WWOX: variants seen among roughly 807,000 people sequenced by gnomAD.
The protein encoded by WWOX is WW domain containing oxidoreductase, also known as WW domain-containing oxidoreductase.
WWOX carries 69 observed loss-of-function variants against 46.2 expected under a neutral mutation model. The ratio of observed to expected loss-of-function variants is 1.49; its 90% CI spans 1.23 to 1.82. The LOEUF (loss-of-function observed/expected upper bound fraction) is 1.82, where lower values mean the gene tolerates loss of function less well. WWOX is among the 40% of genes most tolerant of loss of function. WWOX has a pLI of 0.00. For synonymous variants in WWOX, 359 were observed against 202.6 expected, an observed-to-expected ratio of 1.77 and a Z score of -6.56; for missense variants, 919 against 542.6, an observed-to-expected ratio of 1.69 and a Z score of -6.89.
chr16:78,524,511 C>T (rs2043417084), intron 8 of WWOX, among the ~76,000 whole-genome samples: 1 of 151,996 alleles, frequency 6.6e-6, no homozygotes, highest in East Asian at 1.9e-4. Context: ...GCCTCTGCCT[C>T]CCGTGTCCAA....
chr16:78,761,459 C>A (rs1355581438), intron 8 of WWOX, among the ~76,000 whole-genome samples: 1 of 152,122 alleles, frequency 6.6e-6, no homozygotes, highest in Non-Finnish European at 1.5e-5. Flanking sequence ...ACCATTGTCA[C>A]CGGGGAGAAA....
intron 8 of WWOX, among the ~76,000 whole-genome samples, chr16:78,708,566 G>C (rs1242974888): frequency 6.6e-6 from 1 of 152,016 alleles, no homozygotes; most frequent in East Asian, 1.9e-4. Context: ...CTGAAAGTTG[G>C]GTGTACTTGT....
chr16:78,899,962 C>G (rs567117233), intron 8 of WWOX, among the ~76,000 whole-genome samples: 4 of 151,832 alleles, frequency 2.6e-5, no homozygotes, highest in Admixed American at 6.6e-5. Context: ...ACTAATTAAG[C>G]CTTGATAATT....
At chr16:79,125,695 A>G (rs767762329) in intron 8 of WWOX, among the ~76,000 whole-genome samples, 2 of 152,182 alleles carry the variant, frequency 1.3e-5, no homozygotes, top group Non-Finnish European at 2.9e-5. Flanking sequence ...AGTGTCAACA[A>G]TGTTGACATT....
intron 8 of WWOX, among the ~76,000 whole-genome samples, chr16:79,047,315 A>T (rs759696553): frequency 8.5e-5 from 13 of 152,192 alleles, no homozygotes; most frequent in South Asian, 4.1e-4. Context: ...GTTTTCTTAG[A>T]TTCCCTTGAG....
In WWOX at chr16:79,003,517, A is replaced by T. The variant is rs868499362; in HGVS notation, c.1057-208091A>T. Among the ~76,000 whole-genome samples the T allele has an allele frequency of 1.8e-4, 28 of 152,292 alleles. 1 individual carries two copies. Among genetic ancestry groups the T allele is most frequent in the Non-Finnish European group, 1.3e-4 (9 of 68,028 alleles). ...GATTTTCTGGGTCAGGACTCTGGAT[A>T]GGGTTTGGCTGGTTGAGTCTCCTCT... On this transcript the variant is annotated intron_variant, in intron 8 of 8. Transcript: ENST00000566780.
Position 79,211,679 on chromosome 16 carries a change from C to T in WWOX, c.1128C>T (p.Phe376=), listed in dbSNP as rs1417388410. Residue 376 remains phenylalanine (F), a synonymous_variant, in exon 9 of 9, where the codon TTC becomes TTT. Transcript: ENST00000566780. ...PELEGLGGMY[F]NNCCRCMPSP... ...TGGAGGGTCTGGGAGGGATGTACTT[C>T]AACAACTGCTGCCGCTGCATGCCCT... The T allele has an allele frequency of 3.1e-6, 5 of 1,614,238 alleles. No homozygotes were observed. The highest frequency in any genetic ancestry group is 1.7e-5 in the Admixed American group (1 of 60,028).
At chr16:78,661,201 A>T (rs1559292) in intron 8 of WWOX, among the ~76,000 whole-genome samples, 97,087 of 151,980 alleles carry the variant, frequency 0.64, 31,562 homozygotes, top group Admixed American at 0.7. Context: ...TTTCCTCTCT[A>T]CCATTCACAC....
chr16:78,938,119 C>T (rs560706845), intron 8 of WWOX, among the ~76,000 whole-genome samples: 1 of 152,282 alleles, frequency 6.6e-6, no homozygotes, highest in East Asian at 1.9e-4. Context: ...TATTTTTCAT[C>T]TCCTCACATC....
intron 8 of WWOX, among the ~76,000 whole-genome samples, chr16:78,828,456 C>T (rs2051722905): frequency 6.6e-6 from 1 of 152,070 alleles, no homozygotes; most frequent in East Asian, 1.9e-4. Flanking sequence ...TGTTCCCTGC[C>T]ATCTGCCTGT....
chr16:78,932,499 C>G (rs1597168612), intron 8 of WWOX, among the ~76,000 whole-genome samples: 1 of 152,308 alleles, frequency 6.6e-6, no homozygotes, highest in East Asian at 1.9e-4. Flanking sequence ...TGTCTTTTTC[C>G]TGCTCTTGCA....
At chr16:78,382,371 T>C (rs967304199) in intron 5 of WWOX, among the ~76,000 whole-genome samples, 15 of 152,196 alleles carry the variant, frequency 9.9e-5, no homozygotes, top group African/African-American at 1.4e-4. Context: ...GCTGGCAGTG[T>C]TACAGACAAC....
intron 8 of WWOX, among the ~76,000 whole-genome samples, chr16:79,164,448 A>G (rs936640464): frequency 2.0e-5 from 3 of 151,986 alleles, no homozygotes; most frequent in Non-Finnish European, 2.9e-5. Flanking sequence ...GGTCCTCATT[A>G]TTGTGGGTTT....
At chr16:79,094,550 C>T (rs904448009) in intron 8 of WWOX, among the ~76,000 whole-genome samples, 1 of 152,158 alleles carries the variant, frequency 6.6e-6, no homozygotes, top group African/African-American at 2.4e-5. Flanking sequence ...CCGCACCAGG[C>T]CATTTCCTCA....
In WWOX at chr16:79,029,172, C is replaced by T. The variant is rs143510341; in HGVS notation, c.1057-182436C>T. Among the ~76,000 whole-genome samples the T allele has an allele frequency of 3.5e-3, 540 of 152,202 alleles. 5 individuals are homozygous for T. Among genetic ancestry groups the T allele is most frequent in the African/African-American group, 0.012 (516 of 41,516 alleles). On this transcript the variant is annotated intron_variant, in intron 8 of 8. Coordinates refer to ENST00000566780, the MANE Select transcript of WWOX (RefSeq NM_016373.4). ...AAGGAGGGAGCCTACCTCTGGAGGCCCCAGGCTGGGACTTTGGGTACAGAT... is the reference window on the plus strand; with the variant it reads ...AAGGAGGGAGCCTACCTCTGGAGGCTCCAGGCTGGGACTTTGGGTACAGAT...
At chr16:78,135,038 C>G (rs1023055297) in intron 4 of WWOX, among the ~76,000 whole-genome samples, 2 of 152,110 alleles carry the variant, frequency 1.3e-5, no homozygotes, top group South Asian at 2.1e-4. Context: ...TTGAAAAATC[C>G]CAGTGCCATA....
At chr16:78,530,497 C>T (rs2043596116) in intron 8 of WWOX, among the ~76,000 whole-genome samples, 1 of 152,212 alleles carries the variant, frequency 6.6e-6, no homozygotes, top group Non-Finnish European at 1.5e-5. Context: ...AGCCGCTTCT[C>T]TCCAACTGTG....
intron 8 of WWOX, among the ~76,000 whole-genome samples, chr16:78,620,591 C>A (rs1349176011): frequency 1.3e-5 from 2 of 152,176 alleles, no homozygotes; most frequent in East Asian, 3.9e-4. Context: ...ACTCTTGTCC[C>A]CTGAGAAGTT....
At chr16:78,737,875 G>A (rs556692477) in intron 8 of WWOX, among the ~76,000 whole-genome samples, 10 of 152,154 alleles carry the variant, frequency 6.6e-5, no homozygotes, top group Non-Finnish European at 1.3e-4. Flanking sequence ...TTCCCTCACC[G>A]ATCCCTTCCA....
Sources: allele counts gnomAD v4.1 joint callset (sites outside exome capture counted in the v4.1 genomes callset), GRCh38; gene constraint gnomAD v4.1.1; transcripts MANE v1.5; gene names NCBI Gene and HGNC (gene_info 2026-07-23, HGNC 2026-07-21).